AR: variants seen among roughly 807,000 people sequenced by gnomAD.
AR encodes dihydrotestosterone receptor.
AR carries 8 observed loss-of-function variants against 53.9 expected under a neutral mutation model. The ratio of observed to expected loss-of-function variants is 0.15; its 90% CI spans 0.09 to 0.27. AR has a LOEUF of 0.27. AR is among the 10% of genes least tolerant of loss of function. AR has a pLI of 1.00. For synonymous variants in AR, 359 were observed against 316.4 expected (o/e 1.13, Z -1.43); for missense variants, 639 against 742.5 (o/e 0.86, Z 1.62).
rs928224895 is a variant in AR at position 67,545,002 on chromosome X, C to T, written c.-145C>T. 1 of 946,554 alleles carries T rather than the reference C, an allele frequency of 1.1e-6. No homozygotes were observed. Among genetic ancestry groups the T allele is most frequent in the Non-Finnish European group, 1.4e-6 (1 of 711,115 alleles). 78.0% of individuals were successfully genotyped at this position (946,554 alleles called of 1,213,427 possible). A position where few individuals can be genotyped will look rare whatever the true frequency, so the allele number is the denominator to read the frequency against. On this transcript the variant is annotated 5_prime_UTR_variant, in exon 1 of 8. Transcript: ENST00000374690. ...AGAGCGCTTTTTGCGTGGTTGCTCC[C>T]GCAAGTTTCCTTCTCTGGAGCTTCC... is the stretch of plus-strand genomic sequence containing the variant.
In AR at chrX:67,729,876, T is replaced by G. The variant is rs2076172777; in HGVS notation, c.*6035T>G. 5.8e-6 allele frequency: 1 copy of G among 171,650 alleles called. No individual in the cohort carries two copies. Among genetic ancestry groups the G allele is most frequent in the Non-Finnish European group, 1.1e-5 (1 of 90,348 alleles). The allele number at this position is 171,650 out of a possible 1,213,427, so 14.1% of individuals were successfully genotyped here. ...CCAGATTTGCATTATCTCACAACCTTAGCCCTTGGTGCTAACTGTCCTACA... is the reference window on the plus strand; with the variant it reads ...CCAGATTTGCATTATCTCACAACCTGAGCCCTTGGTGCTAACTGTCCTACA... On this transcript the variant is annotated 3_prime_UTR_variant, in exon 8 of 8. Coordinates refer to ENST00000374690, the MANE Select transcript of AR (RefSeq NM_000044.6).
intron 1 of AR, among the ~76,000 whole-genome samples, chrX:67,629,344 C>G (rs1924915290): frequency 9.1e-6 from 1 of 109,298 alleles, no homozygotes; most frequent in African/African-American, 3.3e-5. Context: ...AGAGATTCAA[C>G]TTCTTCCTGG....
At chrX:67,667,104 G>T (rs1190532533) in intron 2 of AR, among the ~76,000 whole-genome samples, 1 of 111,296 alleles carries the variant, frequency 9.0e-6, no homozygotes, top group Non-Finnish European at 1.9e-5. Context: ...TGCCTGTGCT[G>T]GTGCGGTATT....
chrX:67,694,893 C>T (rs1483691579), intron 3 of AR: 1 of 1,053,701 alleles, frequency 9.5e-7, no homozygotes, highest in African/African-American at 1.9e-5. Flanking sequence ...CCAGCGGGAC[C>T]AATAGTGTTT....
At chrX:67,716,534 G>A (rs1434261682) in intron 4 of AR, among the ~76,000 whole-genome samples, 1 of 111,760 alleles carries the variant, frequency 8.9e-6, no homozygotes, top group Non-Finnish European at 1.9e-5. Flanking sequence ...TAGGTAGGCA[G>A]GTCATAAAGG....
rs761443219 is a variant in AR, at chrX:67,563,237, C to T, written c.1616+16475C>T. On this transcript the variant is annotated intron_variant, in intron 1 of 7. Coordinates refer to ENST00000374690, the MANE Select transcript of AR (RefSeq NM_000044.6). ...TCGGGAAAGAAGCTGGGGTAAGAGTCAAAGTGTAGTATGTTGACCGATGTT... is the reference window on the plus strand; with the variant it reads ...TCGGGAAAGAAGCTGGGGTAAGAGTTAAAGTGTAGTATGTTGACCGATGTT... Among the ~76,000 whole-genome samples, 26 of 111,431 alleles carry T rather than the reference C, an allele frequency of 2.3e-4. 1 individual carries two copies. The highest frequency in any genetic ancestry group is 4.0e-4 in the Non-Finnish European group (21 of 53,074).
chrX:67,674,402 C>T (rs1486697491), intron 2 of AR, among the ~76,000 whole-genome samples: 1 of 110,725 alleles, frequency 9.0e-6, no homozygotes, highest in South Asian at 4.0e-4. Context: ...GTGAAGCCAG[C>T]CTGTCTTATG....
intron 1 of AR, among the ~76,000 whole-genome samples, chrX:67,587,565 T>C (rs1168603572): frequency 9.0e-6 from 1 of 111,671 alleles, no homozygotes; most frequent in East Asian, 2.8e-4. Context: ...CCCAGAATAT[T>C]TTCTGATTTA....
At chrX:67,672,678 G>T (rs760459743) in intron 2 of AR, among the ~76,000 whole-genome samples, 1 of 110,628 alleles carries the variant, frequency 9.0e-6, no homozygotes, top group African/African-American at 3.3e-5. Flanking sequence ...TCACTTTGTC[G>T]TTTCTATTTA....
In AR at chrX:67,724,174, C is replaced by T. The variant is rs1004646740; in HGVS notation, c.*333C>T. The T allele has an allele frequency of 6.6e-5, 18 of 271,146 alleles. No homozygotes were observed. The highest frequency in any genetic ancestry group is 4.4e-4 in the African/African-American group (16 of 36,398). The allele number at this position is 271,146 out of a possible 1,213,427, so 22.3% of individuals were successfully genotyped here. On this transcript the variant is annotated 3_prime_UTR_variant, in exon 8 of 8. Transcript: ENST00000374690. ...CCCAGTGTCAAGTTGTGCTTGTTTA[C>T]AGCACTACTCTGTGCCAGCCACACA...
At position 67,580,261 on chromosome X, in the gene AR, A is replaced by T. The variant is rs186905930; in HGVS notation, c.1616+33499A>T. 9.0e-5 allele frequency among the ~76,000 whole-genome samples: 10 copies of T among 110,535 alleles called. No homozygotes were observed. The East Asian group carries it at 2.9e-3, about 32-fold the overall frequency. On this transcript the variant is annotated intron_variant, in intron 1 of 7. Transcript: ENST00000374690. ...CCTAACGAAAAAATTTCTTCCCTCC[A>T]TTTGTCTTTTATTGTTTTTACAGGG...
At chrX:67,713,640 T>C (rs2076102115) in intron 4 of AR, among the ~76,000 whole-genome samples, 1 of 112,167 alleles carries the variant, frequency 8.9e-6, no homozygotes, top group African/African-American at 3.2e-5. Context: ...CTCCATTTGG[T>C]CACTTAACAC....
intron 1 of AR, among the ~76,000 whole-genome samples, chrX:67,573,528 C>A (rs1463373508): frequency 9.0e-6 from 1 of 111,370 alleles, no homozygotes; most frequent in Non-Finnish European, 1.9e-5. Flanking sequence ...TTCTGAAAGT[C>A]CCCCCTAACC....
chrX:67,661,211 C>T (rs1343037990), intron 2 of AR, among the ~76,000 whole-genome samples: 2 of 111,158 alleles, frequency 1.8e-5, no homozygotes, highest in Non-Finnish European at 3.8e-5. Flanking sequence ...TTATTTCCTT[C>T]TCCTGCCTGA....
chrX:67,641,661 T>A lies in AR; in HGVS notation c.1617-1595T>A, dbSNP rs770731696. 7.2e-5 allele frequency among the ~76,000 whole-genome samples: 8 copies of A among 111,222 alleles called. No individual in the cohort carries two copies. The South Asian group carries it at 2.7e-3, about 37-fold the overall frequency. On this transcript the variant is annotated intron_variant, in intron 1 of 7. Transcript: ENST00000374690. ...TAGGGAAAGGAAGGCTTGTGGGGAATGAAGATAGGCCATGATATCAAGCCA... is the reference window on the plus strand; with the variant it reads ...TAGGGAAAGGAAGGCTTGTGGGGAAAGAAGATAGGCCATGATATCAAGCCA...
intron 1 of AR, among the ~76,000 whole-genome samples, chrX:67,626,072 A>G (rs769285372): frequency 2.3e-3 from 257 of 111,617 alleles, no homozygotes; most frequent in African/African-American, 7.5e-3. Flanking sequence ...TGTGTTACAA[A>G]CAATCCAATT....
At chrX:67,549,442 A>G (rs1260767598) in intron 1 of AR, among the ~76,000 whole-genome samples, 1 of 112,033 alleles carries the variant, frequency 8.9e-6, no homozygotes, top group Non-Finnish European at 1.9e-5. Flanking sequence ...AGGAGGGAAG[A>G]TGCAAAGGTG....
chrX:67,645,823 T>G (rs993596310), intron 2 of AR, among the ~76,000 whole-genome samples: 1 of 111,401 alleles, frequency 9.0e-6, no homozygotes, highest in African/African-American at 3.3e-5. Flanking sequence ...GCTGTTGGAT[T>G]GATTTTACTG....
In AR at chrX:67,546,587, T is replaced by C; in HGVS notation, c.1441T>C (p.Tyr481His). ...CGGCGAGGCGGGAGCTGTAGCCCCC[T>C]ACGGCTACACTCGGCCCCCTCAGGG... ...GGGEAGAVAP[Y>H]GYTRPPQGLA... Residue 481 changes from tyrosine to histidine, a missense_variant, in exon 1 of 8, where the codon TAC (tyrosine) becomes CAC (histidine). Tyr to His is a moderately conservative substitution (Grantham distance 83). Transcript: ENST00000374690. 1 of 1,160,992 alleles carries C rather than the reference T, an allele frequency of 8.6e-7. No individual in the cohort carries two copies. The highest frequency in any genetic ancestry group is 1.1e-6 in the Non-Finnish European group (1 of 870,047).
Sources: allele counts gnomAD v4.1 joint callset (sites outside exome capture counted in the v4.1 genomes callset), GRCh38; gene constraint gnomAD v4.1.1; transcripts MANE v1.5; gene names NCBI Gene and HGNC (gene_info 2026-07-23, HGNC 2026-07-21).